PSME3IP1: variants seen among roughly 807,000 people sequenced by gnomAD.
PSME3IP1 encodes PSME3-interacting protein.
A neutral mutation model predicts 34.1 loss-of-function variants in PSME3IP1; 13 were observed. That is an observed-to-expected ratio of 0.38 (90% CI 0.25 to 0.61). The LOEUF is 0.61. Among genes scored for constraint, PSME3IP1 ranks in the 20% least tolerant of loss-of-function variants. The probability of loss-of-function intolerance (pLI) is 0.60; values close to 1 mark genes in which losing one functional copy is unlikely to be tolerated. For synonymous variants in PSME3IP1, 93 were observed against 114.3 expected (o/e 0.81, Z 1.19); for missense variants, 237 against 301.4 (o/e 0.79, Z 1.58).
At chr16:57,183,869 T>G (rs2073935125) in intron 1 of PSME3IP1, among the ~76,000 whole-genome samples, 1 of 152,116 alleles carries the variant, frequency 6.6e-6, no homozygotes, top group African/African-American at 2.4e-5. Context: ...CTTAATCTTG[T>G]GCCCAAAAGA....
chr16:57,178,172 T>G (rs1422203613), intron 1 of PSME3IP1, among the ~76,000 whole-genome samples: 2 of 152,208 alleles, frequency 1.3e-5, no homozygotes, highest in Non-Finnish European at 2.9e-5. Context: ...AGCATTTTCT[T>G]CTGTAGGTCT....
intron 6 of PSME3IP1, among the ~76,000 whole-genome samples, chr16:57,158,998 T>C (rs1445013151): frequency 6.6e-6 from 1 of 152,350 alleles, no homozygotes; most frequent in East Asian, 1.9e-4. Context: ...CACCATCATA[T>C]ATGCACCCAT....
rs1459086415 is a variant in PSME3IP1, at chr16:57,172,859, ACCT to A, written c.140_142del (p.Glu47del). 3 of 1,610,118 alleles carry A rather than the reference ACCT, an allele frequency of 1.9e-6. No homozygotes were observed. The highest frequency in any genetic ancestry group is 2.7e-5 in the African/African-American group (2 of 74,774). On this transcript the variant is annotated inframe_deletion, in exon 3 of 7. Transcript: ENST00000309137. ...TTCATATAGAGATCGAGGGTCATAA[ACCT>A]CCTCTGGACATTCTGAAAGGAAAAG...
intron 5 of PSME3IP1, among the ~76,000 whole-genome samples, chr16:57,164,920 A>G (rs2071674515): frequency 1.3e-5 from 2 of 152,016 alleles, no homozygotes; most frequent in African/African-American, 4.8e-5. Context: ...AATCCCAGCT[A>G]CTTGGGAGGC....
In PSME3IP1 at chr16:57,154,060, G is replaced by A. The variant is rs1437259420; in HGVS notation, c.*230C>T. 4.1e-6 allele frequency: 2 copies of A among 491,218 alleles called. No homozygotes were observed. Among genetic ancestry groups the A allele is most frequent in the Non-Finnish European group, 7.3e-6 (2 of 275,644 alleles). 30.4% of individuals were successfully genotyped at this position (491,218 alleles called of 1,614,324 possible). A position where few individuals can be genotyped will look rare whatever the true frequency, so the allele number is the denominator to read the frequency against. ...CCTCCTCCCAATATCAGTGAGGAAA[G>A]TGGCAGCGGGACAGGTTTGGTCATC... is the stretch of plus-strand genomic sequence containing the variant. On this transcript the variant is annotated 3_prime_UTR_variant, in exon 7 of 7. Coordinates refer to ENST00000309137, the MANE Select transcript of PSME3IP1 (RefSeq NM_024946.4). This position sits in a 1 kb window ranked among gnomAD's most constrained non-coding sequence, Gnocchi z 4.0.
chr16:57,161,934 C>T (rs867707727), intron 6 of PSME3IP1, among the ~76,000 whole-genome samples: 3 of 152,028 alleles, frequency 2.0e-5, no homozygotes, highest in African/African-American at 4.8e-5. Context: ...GACAGAGTCT[C>T]GCTCTTGTTG....
At chr16:57,185,034 CA>C (rs1211409313) in intron 1 of PSME3IP1, among the ~76,000 whole-genome samples, 1 of 152,206 alleles carries the variant, frequency 6.6e-6, no homozygotes, top group East Asian at 1.9e-4. Flanking sequence ...GATGAATCGA[CA>C]AATCTTATGT....
At chr16:57,161,748 G>A (rs537403534) in intron 6 of PSME3IP1, among the ~76,000 whole-genome samples, 27 of 152,046 alleles carry the variant, frequency 1.8e-4, no homozygotes, top group East Asian at 5.8e-4. Context: ...TCCTGACCTC[G>A]TGATTCACCC....
chr16:57,165,192 G>A (rs1227910175), intron 5 of PSME3IP1, among the ~76,000 whole-genome samples: 2 of 151,566 alleles, frequency 1.3e-5, no homozygotes, highest in African/African-American at 4.9e-5. Context: ...GTGTTAAAAC[G>A]TGTGTGGCGA....
intron 6 of PSME3IP1, among the ~76,000 whole-genome samples, chr16:57,161,239 C>A (rs2071187098): frequency 6.6e-6 from 1 of 152,152 alleles, no homozygotes. Flanking sequence ...TTGGAAGACT[C>A]ACACTTCCCA....
rs759183067 is a variant in PSME3IP1 at position 57,172,274 on chromosome 16, G to T, written c.325C>A (p.Leu109Met). Residue 109 changes from leucine (L) to methionine (M), a missense_variant, in exon 4 of 7, where the codon CTG becomes ATG. By Grantham distance (15) the Leu-to-Met change is conservative. Transcript: ENST00000309137. ...ATTCTGTATTCCTTCAGTTCTTTCA[G>T]TTCTTCTTCTCTTCGTTGCTTTTCT... ...LIEKQRREEE[L>M]KELKEYRNNL... 8.1e-6 allele frequency: 13 copies of T among 1,613,356 alleles called. No individual in the cohort carries two copies. The highest frequency in any genetic ancestry group is 1.0e-5 in the Non-Finnish European group (12 of 1,180,000).
At chr16:57,160,516 C>T (rs1360297074) in intron 6 of PSME3IP1, among the ~76,000 whole-genome samples, 1 of 152,192 alleles carries the variant, frequency 6.6e-6, no homozygotes, top group Non-Finnish European at 1.5e-5. Context: ...TCCTCTCTGA[C>T]CTATCAAGTC....
At chr16:57,183,971 T>A (rs924814821) in intron 1 of PSME3IP1, among the ~76,000 whole-genome samples, 3 of 152,064 alleles carry the variant, frequency 2.0e-5, no homozygotes, top group Non-Finnish European at 4.4e-5. Flanking sequence ...ATTCAGACAG[T>A]GGAATTAAAC....
chr16:57,170,120 GT>G (rs1398881963), intron 4 of PSME3IP1, among the ~76,000 whole-genome samples: 1 of 127,584 alleles, frequency 7.8e-6, no homozygotes, highest in Non-Finnish European at 1.6e-5. Context: ...GTCTTGCTCT[GT>G]CCCCAGCCTG....
intron 5 of PSME3IP1, among the ~76,000 whole-genome samples, chr16:57,166,252 C>T (rs968455117): frequency 1.3e-5 from 2 of 152,190 alleles, no homozygotes; most frequent in Non-Finnish European, 2.9e-5. Context: ...ATCATTTCGC[C>T]CACAGTCTGT....
At chr16:57,167,922 G>A (rs956073495) in intron 4 of PSME3IP1, among the ~76,000 whole-genome samples, 7 of 152,182 alleles carry the variant, frequency 4.6e-5, no homozygotes, top group Non-Finnish European at 4.4e-5. Context: ...TTAAAAGCAT[G>A]ACCAGTTCGC....
At position 57,183,533 on chromosome 16, in the gene PSME3IP1, A is replaced by G. The variant is rs1194286218; in HGVS notation, c.-16+2288T>C. 2.6e-5 allele frequency among the ~76,000 whole-genome samples: 4 copies of G among 152,098 alleles called. No homozygotes were observed. The East Asian group carries it at 7.7e-4, about 29-fold the overall frequency. ...TTTTTAGTAGAGACAGGGTTTCACC[A>G]TGTTGGCCAGGCTGGTCTCAAACTC... On this transcript the variant is annotated intron_variant, in intron 1 of 6. Coordinates refer to ENST00000309137, the MANE Select transcript of PSME3IP1 (RefSeq NM_024946.4).
chr16:57,154,325 T>C lies in PSME3IP1; in HGVS notation c.730A>G (p.Ile244Val). 6.2e-7 allele frequency: 1 copy of C among 1,614,028 alleles called. No homozygotes were observed. Among genetic ancestry groups the C allele is most frequent in the South Asian group, 1.1e-5 (1 of 91,066 alleles). The change falls in exon 7 of 7, where the codon ATC (isoleucine) becomes GTC (valine). Residue 244 changes from isoleucine (I) to valine (V), a missense_variant. Coordinates refer to ENST00000309137, the MANE Select transcript of PSME3IP1 (RefSeq NM_024946.4). This position sits in a 1 kb window ranked among gnomAD's most constrained non-coding sequence, Gnocchi z 4.0. Reference protein sequence around the residue: ...INATGKIVSSIFRTNTFLEAP With the variant: ...INATGKIVSSVFRTNTFLEAP ...TCGAGGAAGGTGTTGGTTCGGAAGA[T>C]GGAGGAGACAATCTTTCCGGTGGCA...
chr16:57,173,959 C>T, intron 1 of PSME3IP1, 90 bp from the exon 2 acceptor site: 5 of 1,326,728 alleles, frequency 3.8e-6, no homozygotes, highest in Non-Finnish European at 4.2e-6. Context: ...TTAGCTCCAT[C>T]TCACCCAGCA....
Sources: allele counts gnomAD v4.1 joint callset (sites outside exome capture counted in the v4.1 genomes callset), GRCh38; gene constraint gnomAD v4.1.1; non-coding constraint Gnocchi (gnomAD v3.1); transcripts MANE v1.5; gene names NCBI Gene and HGNC (gene_info 2026-07-23, HGNC 2026-07-21).